The following CA10 variants were observed in gnomAD, a reference collection of about 807,000 sequenced individuals.
CA10 encodes the protein carbonic anhydrase 10 (inactive).
Under a neutral mutation model 44.2 loss-of-function variants are expected in CA10, and 14 were observed. That is an observed-to-expected ratio of 0.32 (90% CI 0.21 to 0.50). The LOEUF is 0.50. Among genes scored for constraint, CA10 ranks in the 20% least tolerant of loss-of-function variants. The probability of loss-of-function intolerance (pLI) is 0.99; values close to 1 mark genes in which losing one functional copy is unlikely to be tolerated. For missense variants in CA10, 350 were observed against 409.7 expected, an observed-to-expected ratio of 0.85 and a Z score of 1.26; for synonymous variants, 159 against 141.6, an observed-to-expected ratio of 1.12 and a Z score of -0.87.
chr17:52,065,928 T>C (rs1240709429), intron 2 of CA10, among the ~76,000 whole-genome samples: 2 of 152,306 alleles, frequency 1.3e-5, no homozygotes, highest in East Asian at 1.9e-4. Flanking sequence ...TGCAGTTCTC[T>C]TGACAGTGAG....
chr17:52,026,509 T>C (rs747205671), intron 2 of CA10, among the ~76,000 whole-genome samples: 1 of 152,118 alleles, frequency 6.6e-6, no homozygotes, highest in Non-Finnish European at 1.5e-5. Context: ...TCTGTTCTCA[T>C]GCTGCTAACA....
rs901965663 is a variant in CA10, at chr17:51,723,546, C to T, written c.465+24087G>A. Among the ~76,000 whole-genome samples the T allele has an allele frequency of 2.7e-5, 4 of 150,630 alleles. No individual in the cohort carries two copies. The South Asian group carries it at 8.6e-4, about 32-fold the overall frequency. On this transcript the variant is annotated intron_variant, in intron 4 of 8. Transcript: ENST00000451037. The stretch of plus-strand genomic sequence containing the variant: ...CCGCAGATATCATCTATGGGAAAGA[C>T]ACACACTTTAGGGAAATAACATTGT...
chr17:51,986,740 CG>C (rs553218004), intron 2 of CA10, among the ~76,000 whole-genome samples: 35 of 151,540 alleles, frequency 2.3e-4, no homozygotes, highest in Admixed American at 5.3e-4. Flanking sequence ...CACAAATGGC[CG>C]ACAAACATGA....
chr17:52,135,156 G>C, intron 1 of CA10: 1 of 360,600 alleles, frequency 2.8e-6, no homozygotes. Flanking sequence ...GCCATGACAG[G>C]ATGAGAGGTC....
chr17:51,659,272 T>C (rs1315571112), intron 4 of CA10, among the ~76,000 whole-genome samples: 4 of 152,126 alleles, frequency 2.6e-5, no homozygotes, highest in Non-Finnish European at 5.9e-5. Context: ...ACATCAGAGC[T>C]CCTGGTTCTT....
intron 3 of CA10, among the ~76,000 whole-genome samples, chr17:51,770,985 G>A (rs945798983): frequency 9.9e-5 from 15 of 151,772 alleles, no homozygotes; most frequent in African/African-American, 1.9e-4. Flanking sequence ...TTAGCCTGGC[G>A]TGGTGGTGCA....
chr17:51,903,450 A>G (rs1487520522), intron 3 of CA10, among the ~76,000 whole-genome samples: 1 of 152,106 alleles, frequency 6.6e-6, no homozygotes, highest in Non-Finnish European at 1.5e-5. Flanking sequence ...CAGTTTATAT[A>G]TGGAGTGTAA....
At chr17:52,045,136 GCAAAA>G (rs2144198684) in intron 2 of CA10, among the ~76,000 whole-genome samples, 1 of 151,366 alleles carries the variant, frequency 6.6e-6, no homozygotes, top group South Asian at 2.1e-4. Flanking sequence ...TTAAAACTAC[GCAAAA>G]CAAAACTAAC....
At chr17:52,108,699 CAAAAAAAAAAAAAAA>C (rs759411898) in intron 1 of CA10, among the ~76,000 whole-genome samples, 2 of 91,858 alleles carry the variant, frequency 2.2e-5, no homozygotes. Flanking sequence ...GACTCCGTCT[CAAAAAAAAAAAAAAA>C]AAAAAAAAAA....
chr17:51,914,307 C>A (rs1421757558), intron 3 of CA10, among the ~76,000 whole-genome samples: 1 of 152,094 alleles, frequency 6.6e-6, no homozygotes, highest in East Asian at 1.9e-4. Flanking sequence ...GCATACATAT[C>A]GTGACCTAGA....
At chr17:52,054,428 C>T (rs910002395) in intron 2 of CA10, among the ~76,000 whole-genome samples, 4 of 152,004 alleles carry the variant, frequency 2.6e-5, no homozygotes, top group Non-Finnish European at 4.4e-5. Flanking sequence ...CAATGCGTGC[C>T]CGAAACTTCA....
At position 51,915,472 on chromosome 17, in the gene CA10, C is replaced by A. The variant is rs1006212779; in HGVS notation, c.279+15518G>T. Among the ~76,000 whole-genome samples the A allele has an allele frequency of 2.8e-4, 42 of 152,184 alleles. 1 individual carries two copies. Among genetic ancestry groups the A allele is most frequent in the Admixed American group, 2.7e-3 (42 of 15,276 alleles). On this transcript the variant is annotated intron_variant, in intron 3 of 8. Transcript: ENST00000451037. ...TAATCCTGGGAGTTTGTGTAACATT[C>A]AGCTTTCCCATGTCTTCACAATTCT... is the stretch of plus-strand genomic sequence containing the variant.
intron 3 of CA10, among the ~76,000 whole-genome samples, chr17:51,921,023 T>C (rs1417023310): frequency 1.3e-5 from 2 of 152,190 alleles, no homozygotes; most frequent in African/African-American, 2.4e-5. Context: ...ATAATTTTGA[T>C]AGTGGTTAAT....
chr17:51,828,289 C>T (rs896449620), intron 3 of CA10, among the ~76,000 whole-genome samples: 21 of 152,156 alleles, frequency 1.4e-4, no homozygotes, highest in African/African-American at 4.6e-4. Flanking sequence ...CATCTATCTG[C>T]ACCCAGTCTT....
At chr17:51,699,781 A>G (rs1482353678) in intron 4 of CA10, among the ~76,000 whole-genome samples, 1 of 152,192 alleles carries the variant, frequency 6.6e-6, no homozygotes, top group Non-Finnish European at 1.5e-5. Flanking sequence ...GCAGATGTGT[A>G]TACCAGCTTC....
chr17:51,879,968 A>G (rs1156477067), intron 3 of CA10, among the ~76,000 whole-genome samples: 1 of 152,196 alleles, frequency 6.6e-6, no homozygotes, highest in East Asian at 1.9e-4. Flanking sequence ...TCCAAGGGTT[A>G]GCCAATTCCT....
intron 2 of CA10, among the ~76,000 whole-genome samples, chr17:51,981,612 T>C (rs1411369695): frequency 6.6e-6 from 1 of 152,028 alleles, no homozygotes; most frequent in Non-Finnish European, 1.5e-5. Context: ...TTTACACTTG[T>C]CAAAATTCAC....
At position 51,636,039 on chromosome 17, in the gene CA10, G is replaced by A. The variant is rs201484169; in HGVS notation, c.635-30C>T. The A allele has an allele frequency of 8.0e-6, 12 of 1,493,192 alleles. No individual in the cohort carries two copies. The Admixed American group carries it at 8.1e-5, about 10-fold the overall frequency. The allele number at this position is 1,493,192 out of a possible 1,614,324, so 92.5% of individuals were successfully genotyped here. A position where few individuals can be genotyped will look rare whatever the true frequency, so the allele number is the denominator to read the frequency against. On this transcript the variant is annotated intron_variant, in intron 6 of 8. Transcript: ENST00000451037. ...AGAAGGAAAGAAGACTTAAAAATTA[G>A]GTTTCTTGAGAAAGGGATGGTATTG...
At chr17:51,641,999 C>T (rs185669745) in intron 6 of CA10, among the ~76,000 whole-genome samples, 39 of 152,244 alleles carry the variant, frequency 2.6e-4, no homozygotes, top group Admixed American at 2.4e-3. Flanking sequence ...GCAATTTTCT[C>T]ATATAGAATG....
Sources: allele counts gnomAD v4.1 joint callset (sites outside exome capture counted in the v4.1 genomes callset), GRCh38; gene constraint gnomAD v4.1.1; transcripts MANE v1.5; gene names NCBI Gene and HGNC (gene_info 2026-07-23, HGNC 2026-07-21).